Variants in ROBO1 observed in about 807,000 individuals in gnomAD.
ROBO1 encodes roundabout homolog 1.
In ROBO1, 149 loss-of-function variants were observed where a neutral mutation model predicts 195.9. The observed-to-expected ratio is 0.76, with a 90% CI of 0.67 to 0.87. The LOEUF is 0.87. Ranked by LOEUF, ROBO1 falls within the 40% of genes least tolerant of loss-of-function variation. The pLI, the probability that ROBO1 is intolerant of heterozygous loss-of-function variation, is 0.00. For synonymous variants in ROBO1, 816 were observed against 733.2 expected, an observed-to-expected ratio of 1.11 and a Z score of -1.82; for missense variants, 1,933 against 2,068.3, an observed-to-expected ratio of 0.93 and a Z score of 1.27.
intron 28 of ROBO1, among the ~76,000 whole-genome samples, chr3:78,613,235 C>A (rs1047362471): frequency 2.6e-5 from 4 of 152,182 alleles, no homozygotes; most frequent in Admixed American, 1.3e-4. Context: ...GCCAGATTTT[C>A]TCCCTTATGT....
intron 9 of ROBO1, among the ~76,000 whole-genome samples, chr3:78,687,510 C>T (rs991130642): frequency 6.6e-6 from 1 of 152,022 alleles, no homozygotes; most frequent in East Asian, 1.9e-4. Context: ...AGAAGCAAGA[C>T]CATGAAACAA....
intron 2 of ROBO1, among the ~76,000 whole-genome samples, chr3:79,520,764 A>G (rs1476425478): frequency 6.6e-6 from 1 of 152,200 alleles, no homozygotes; most frequent in Non-Finnish European, 1.5e-5. Flanking sequence ...ATTTGTATCC[A>G]ACATATGATA....
rs1174518902 is a variant in ROBO1 at position 78,597,515 on chromosome 3, CT to C, written c.*1397del. On this transcript the variant is annotated 3_prime_UTR_variant, in exon 31 of 31. Coordinates refer to ENST00000464233, the MANE Select transcript of ROBO1 (RefSeq NM_002941.4). ...TTTTCCACTGGGGTCAGACCTGATA[CT>C]TATCTATCTATGAATAAATGTACAT... 13 of 152,476 alleles carry C rather than the reference CT, an allele frequency of 8.5e-5. No individual in the cohort carries two copies. The highest frequency in any genetic ancestry group is 5.9e-4 in the Admixed American group (9 of 15,270). The allele number at this position is 152,476 out of a possible 1,614,324, so 9.4% of individuals were successfully genotyped here. A position where few individuals can be genotyped will look rare whatever the true frequency, so the allele number is the denominator to read the frequency against.
At chr3:78,620,916 A>C (rs1575788819) in intron 26 of ROBO1, among the ~76,000 whole-genome samples, 1 of 99,330 alleles carries the variant, frequency 1.0e-5, no homozygotes, top group Admixed American at 1.0e-4. Flanking sequence ...TATACATATA[A>C]GCTAGGAGAG....
chr3:78,747,416 T>C (rs964891212), intron 4 of ROBO1, among the ~76,000 whole-genome samples: 3 of 150,470 alleles, frequency 2.0e-5, no homozygotes, highest in Non-Finnish European at 4.4e-5. Context: ...GGTTATATAA[T>C]CATCATAATT....
At position 78,931,197 on chromosome 3, in the gene ROBO1, T is replaced by C. The variant is rs565594531; in HGVS notation, c.499+7404A>G. ...TGGTATTCTTCACATTTTTATTCAA[T>C]TTCTGACTTTTAAAAACAACATTTT... is the stretch of plus-strand genomic sequence containing the variant. On this transcript the variant is annotated intron_variant, in intron 4 of 30. Coordinates refer to ENST00000464233, the MANE Select transcript of ROBO1 (RefSeq NM_002941.4). Among the ~76,000 whole-genome samples, 404 of 151,932 alleles carry C rather than the reference T, an allele frequency of 2.7e-3. 2 individuals are homozygous for C. The highest frequency in any genetic ancestry group is 9.1e-3 in the African/African-American group (378 of 41,464).
chr3:79,730,630 A>G (rs1282869222), intron 1 of ROBO1, among the ~76,000 whole-genome samples: 1 of 152,198 alleles, frequency 6.6e-6, no homozygotes, highest in East Asian at 1.9e-4. Context: ...ATTTCATTTC[A>G]TTTCATTAGA....
At chr3:78,994,277 G>A (rs530039811) in intron 3 of ROBO1, among the ~76,000 whole-genome samples, 1 of 152,252 alleles carries the variant, frequency 6.6e-6, no homozygotes, top group South Asian at 2.1e-4. Context: ...GAAAAGGAAA[G>A]GGCTGTATCA....
intron 2 of ROBO1, among the ~76,000 whole-genome samples, chr3:79,164,447 G>A (rs1250254399): frequency 6.6e-6 from 1 of 152,076 alleles, no homozygotes; most frequent in Non-Finnish European, 1.5e-5. Flanking sequence ...AAATCATATT[G>A]CACCACCTTT....
intron 3 of ROBO1, among the ~76,000 whole-genome samples, chr3:79,094,470 T>A (rs906944795): frequency 6.6e-6 from 1 of 152,114 alleles, no homozygotes. Context: ...GACCTCCAGG[T>A]CTCATCTTTT....
At chr3:79,253,524 G>A (rs996688275) in intron 2 of ROBO1, among the ~76,000 whole-genome samples, 6 of 152,286 alleles carry the variant, frequency 3.9e-5, no homozygotes, top group South Asian at 4.1e-4. Context: ...TTTTGGCTTC[G>A]TGAGCAAATA....
At chr3:79,560,139 G>T (rs1348084761) in intron 2 of ROBO1, among the ~76,000 whole-genome samples, 1 of 151,922 alleles carries the variant, frequency 6.6e-6, no homozygotes, top group Non-Finnish European at 1.5e-5. Context: ...AGGAGAGAAT[G>T]AATGTCAGGA....
At chr3:78,827,869 T>A (rs2031776639) in intron 4 of ROBO1, among the ~76,000 whole-genome samples, 1 of 152,200 alleles carries the variant, frequency 6.6e-6, no homozygotes, top group African/African-American at 2.4e-5. Context: ...CAAAGTCTAC[T>A]AATTTAAATG....
intron 8 of ROBO1, among the ~76,000 whole-genome samples, chr3:78,696,474 CT>C (rs1460979529): frequency 6.6e-6 from 1 of 151,936 alleles, no homozygotes; most frequent in Non-Finnish European, 1.5e-5. Context: ...GCTTCTAGGC[CT>C]CCTGACAATA....
At chr3:79,425,621 A>G (rs574529297) in intron 2 of ROBO1, among the ~76,000 whole-genome samples, 3 of 152,158 alleles carry the variant, frequency 2.0e-5, no homozygotes, top group Non-Finnish European at 4.4e-5. Flanking sequence ...TGAAGTCTAC[A>G]TAAAACAAAG....
intron 3 of ROBO1, among the ~76,000 whole-genome samples, chr3:79,054,156 C>T (rs1218181308): frequency 6.6e-6 from 1 of 152,194 alleles, no homozygotes; most frequent in East Asian, 1.9e-4. Flanking sequence ...TACTCAGGCT[C>T]AGCTCACAGG....
intron 1 of ROBO1, among the ~76,000 whole-genome samples, chr3:79,618,709 A>C (rs1422653316): frequency 6.6e-6 from 1 of 152,198 alleles, no homozygotes; most frequent in East Asian, 1.9e-4. Flanking sequence ...TGGTCTCTTC[A>C]CATGGACGCA....
At chr3:79,223,731 T>C (rs1003308073) in intron 2 of ROBO1, among the ~76,000 whole-genome samples, 1 of 152,188 alleles carries the variant, frequency 6.6e-6, no homozygotes, top group Admixed American at 6.6e-5. Flanking sequence ...GTGATGAATC[T>C]ACTTGCAGGT....
chr3:78,695,901 T>C (rs2081278629), intron 8 of ROBO1, among the ~76,000 whole-genome samples: 1 of 152,028 alleles, frequency 6.6e-6, no homozygotes, highest in Non-Finnish European at 1.5e-5. Flanking sequence ...TAATATGGAC[T>C]ATGTAAAATC....
Sources: gnomAD v4.1 joint callset for allele counts (sites outside exome capture counted in the v4.1 genomes callset) on GRCh38, gnomAD v4.1.1 for gene constraint, MANE v1.5 for transcripts, NCBI Gene and HGNC (gene_info 2026-07-23, HGNC 2026-07-21) for gene names.